The following SSH2 variants were observed in gnomAD, a reference collection of about 807,000 sequenced individuals.
The protein encoded by SSH2 is slingshot protein phosphatase 2.
Under a neutral mutation model 135.2 loss-of-function variants are expected in SSH2, and 37 were observed. The ratio of observed to expected loss-of-function variants is 0.27; its 90% CI spans 0.21 to 0.36. SSH2 has a LOEUF of 0.36. Among genes scored for constraint, SSH2 ranks in the 10% least tolerant of loss-of-function variants. The pLI is 1.00. For missense variants in SSH2, 1,408 were observed against 1,765.3 expected, an observed-to-expected ratio of 0.80 and a Z score of 3.63; for synonymous variants, 628 against 646.2, an observed-to-expected ratio of 0.97 and a Z score of 0.43.
chr17:29,813,006 GAA>G (rs2042473545), intron 2 of SSH2, among the ~76,000 whole-genome samples: 1 of 152,124 alleles, frequency 6.6e-6, no homozygotes, highest in African/African-American at 2.4e-5. Flanking sequence ...AAAGTCCAAC[GAA>G]AAGATTTTCA....
At chr17:29,882,138 A>G (rs2066148734) in intron 1 of SSH2, among the ~76,000 whole-genome samples, 1 of 152,228 alleles carries the variant, frequency 6.6e-6, no homozygotes, top group Non-Finnish European at 1.5e-5. Flanking sequence ...TATTTGGAAA[A>G]TGATGTCTGG....
At chr17:29,731,424 T>C (rs563489406) in intron 3 of SSH2, among the ~76,000 whole-genome samples, 3 of 89,468 alleles carry the variant, frequency 3.4e-5, no homozygotes, top group African/African-American at 1.3e-4. Context: ...ATTTTTTATT[T>C]ATTTATTTAT....
chr17:29,925,218 T>G (rs2067042376), intron 1 of SSH2: 1 of 241,294 alleles, frequency 4.1e-6, no homozygotes, highest in Non-Finnish European at 7.8e-6. Flanking sequence ...AACTAAAATA[T>G]TATTATAGTA....
intron 3 of SSH2, among the ~76,000 whole-genome samples, chr17:29,714,785 CTTGTAA>C (rs1380772851): frequency 6.6e-6 from 1 of 152,172 alleles, no homozygotes; most frequent in East Asian, 1.9e-4. Flanking sequence ...ACTCCCTCTC[CTTGTAA>C]TTCCCATGTG....
At chr17:29,767,316 A>T (rs532500366) in intron 3 of SSH2, among the ~76,000 whole-genome samples, 1 of 151,634 alleles carries the variant, frequency 6.6e-6, no homozygotes, top group Admixed American at 6.6e-5. Context: ...CATCAAACAC[A>T]CTTTACAAAA....
intron 1 of SSH2, among the ~76,000 whole-genome samples, chr17:29,926,197 CCTCT>C (rs1008882897): frequency 5.3e-5 from 8 of 151,966 alleles, no homozygotes; most frequent in African/African-American, 1.2e-4. Context: ...CCACTCATGG[CCTCT>C]CTCTCTTTCT....
At chr17:29,711,514 T>C (rs1490878559) in intron 3 of SSH2, among the ~76,000 whole-genome samples, 2 of 152,256 alleles carry the variant, frequency 1.3e-5, no homozygotes, top group African/African-American at 2.4e-5. Flanking sequence ...AATTTTACCA[T>C]TGGTCATACA....
intron 3 of SSH2, chr17:29,787,866 G>A (rs1247286241): frequency 3.3e-5 from 5 of 151,912 alleles, no homozygotes; most frequent in Non-Finnish European, 5.9e-5. Context: ...TGAGTAGCTG[G>A]GACAGGTGTG....
chr17:29,730,597 G>A (rs964989507), intron 3 of SSH2, among the ~76,000 whole-genome samples: 2 of 151,750 alleles, frequency 1.3e-5, no homozygotes, highest in Middle Eastern at 3.4e-3. Context: ...CACCACACTC[G>A]GCTAATTTTT....
At chr17:29,761,258 G>C (rs1292149067) in intron 3 of SSH2, 2 of 1,289,088 alleles carry the variant, frequency 1.6e-6, no homozygotes, top group African/African-American at 3.0e-5. Context: ...CCTCTTGCGG[G>C]CCAACGTGCT....
intron 13 of SSH2, among the ~76,000 whole-genome samples, chr17:29,649,399 G>T (rs2036504996): frequency 6.8e-6 from 1 of 147,626 alleles, no homozygotes; most frequent in African/African-American, 2.5e-5. Flanking sequence ...AATGAGACAA[G>T]TTTTTTTTTT....
rs151221566 is a variant in SSH2, at chr17:29,875,410, A to G, written c.64-26481T>C. Among the ~76,000 whole-genome samples the G allele has an allele frequency of 2.1e-4, 32 of 152,082 alleles. No homozygotes were observed. In the East Asian group the frequency reaches 6.0e-3, roughly 29 times the overall value. On this transcript the variant is annotated intron_variant, in intron 1 of 15. Transcript: ENST00000540801. ...GTCTTAAGTTTATCTAACTCTTGTC[A>G]TCTCCTCTTGAGTATCACCTCTTAT...
intron 4 of SSH2, among the ~76,000 whole-genome samples, chr17:29,696,568 C>T (rs2038756035): frequency 6.9e-6 from 1 of 145,668 alleles, no homozygotes; most frequent in South Asian, 2.2e-4. Context: ...TACTGCACTC[C>T]AGCCTGGGCG....
At chr17:29,879,541 G>T (rs567580687) in intron 1 of SSH2, among the ~76,000 whole-genome samples, 36 of 152,156 alleles carry the variant, frequency 2.4e-4, no homozygotes, top group African/African-American at 8.0e-4. Context: ...TGTTACAATT[G>T]ATGTGCTGCT....
chr17:29,656,985 TTTTTC>T (rs939699345), intron 11 of SSH2, among the ~76,000 whole-genome samples: 1 of 152,198 alleles, frequency 6.6e-6, no homozygotes, highest in African/African-American at 2.4e-5. Context: ...GCTACACTTT[TTTTTC>T]TTTTGAGACA....
At chr17:29,864,644 T>TAAAAAAAAAAAAAA (rs540074955) in intron 1 of SSH2, among the ~76,000 whole-genome samples, 1 of 138,062 alleles carries the variant, frequency 7.2e-6, no homozygotes, top group Non-Finnish European at 1.6e-5. Context: ...GAATACTTAC[T>TAAAAAAAAAAAAAA]AAAAAAAAAA....
At chr17:29,820,528 A>G (rs550859828) in intron 2 of SSH2, among the ~76,000 whole-genome samples, 11 of 152,308 alleles carry the variant, frequency 7.2e-5, no homozygotes, top group African/African-American at 2.4e-4. Context: ...TTACAACTAC[A>G]AATAGGAAAT....
At position 29,632,158 on chromosome 17, in the gene SSH2, C is replaced by A. The variant is rs1173856366; in HGVS notation, c.3036G>T (p.Lys1012Asn). ...DTGTQQEGVL[K>N]DLRTVIPYQE... Reference sequence around the variant, plus strand: ...GGTATGGAATCACAGTCCTCAGATCCTTCAGGACTCCTTCCTGCTGTGTTC... The same window carrying A: ...GGTATGGAATCACAGTCCTCAGATCATTCAGGACTCCTTCCTGCTGTGTTC... Residue 1012 changes from lysine to asparagine, a missense_variant, in exon 16 of 16, where the codon AAG becomes AAT. This residue lies in a region of SSH2 where 1,080 missense variants were observed against 1,144.5 expected (regional missense o/e 0.94). Transcript: ENST00000540801. 6.2e-7 allele frequency: 1 copy of A among 1,614,050 alleles called. No individual in the cohort carries two copies. The highest frequency in any genetic ancestry group is 1.7e-5 in the Admixed American group (1 of 60,016).
intron 1 of SSH2, among the ~76,000 whole-genome samples, chr17:29,899,531 T>C (rs1351390373): frequency 2.0e-5 from 3 of 152,182 alleles, no homozygotes; most frequent in Non-Finnish European, 4.4e-5. Flanking sequence ...CATTCACAAT[T>C]GCTTCAAAGA....
Sources: gnomAD v4.1 joint callset for allele counts (sites outside exome capture counted in the v4.1 genomes callset) on GRCh38, gnomAD v4.1.1 for gene constraint, gnomAD v4.1.1 regional missense constraint, MANE v1.5 for transcripts, NCBI Gene and HGNC (gene_info 2026-07-23, HGNC 2026-07-21) for gene names.